EMILIN1: variants seen among roughly 807,000 people sequenced by gnomAD.
EMILIN1 encodes elastin microfibril interfacer 1.
A neutral mutation model predicts 82.4 loss-of-function variants in EMILIN1; 49 were observed. That is an observed-to-expected ratio of 0.59 (90% confidence interval 0.47 to 0.75). The LOEUF is 0.75. Among genes scored for constraint, EMILIN1 ranks in the 30% least tolerant of loss-of-function variants. EMILIN1 has a pLI of 0.00. For missense variants in EMILIN1, 1,313 were observed against 1,366.4 expected, an observed-to-expected ratio of 0.96 and a Z score of 0.62; for synonymous variants, 604 against 602.2, an observed-to-expected ratio of 1.00 and a Z score of -0.04.
At position 27,080,252 on chromosome 2, in the gene EMILIN1, A is replaced by C; in HGVS notation, c.272A>C (p.Gln91Pro). 1 of 1,614,046 alleles carries C rather than the reference A, an allele frequency of 6.2e-7. No homozygotes were observed. The highest frequency in any genetic ancestry group is 8.5e-7 in the Non-Finnish European group (1 of 1,179,920). Reference protein sequence around the residue: ...KYQPCAWGQPQCPQSIMYRRF... With the variant: ...KYQPCAWGQPPCPQSIMYRRF... ...CAGCCTTGTGCCTGGGGCCAGCCCCAGTGTCCCCAAAGCATCATGTGAGTC... is the reference window on the plus strand; with the variant it reads ...CAGCCTTGTGCCTGGGGCCAGCCCCCGTGTCCCCAAAGCATCATGTGAGTC... Residue 91 changes from glutamine (Q) to proline (P), a missense_variant, in exon 2 of 8, where the codon CAG (glutamine) becomes CCG (proline). By Grantham distance (76) the Gln-to-Pro change is moderately conservative. Transcript: ENST00000380320.
intron 2 of EMILIN1, 90 bp from the exon 3 acceptor site, chr2:27,080,642 C>T (rs934532311): frequency 1.2e-5 from 13 of 1,106,516 alleles, no homozygotes; most frequent in Middle Eastern, 4.1e-4. Context: ...ACAGGCCATG[C>T]CCACCAGCAG....
intron 2 of EMILIN1, 67 bp from the exon 3 acceptor site, chr2:27,080,665 G>A: frequency 7.2e-7 from 1 of 1,395,290 alleles, no homozygotes; most frequent in Non-Finnish European, 9.8e-7. Flanking sequence ...GCCCACCCCT[G>A]AGGACAGGGA....
chr2:27,079,265 G>A (rs1344200571), intron 1 of EMILIN1, 30 bp downstream of exon 1: 1 of 1,525,388 alleles, frequency 6.6e-7, no homozygotes, highest in Non-Finnish European at 8.7e-7. Flanking sequence ...CCCGAGGCTT[G>A]GGTGGTGAGG....
Position 27,082,157 on chromosome 2 carries a change from C to A in EMILIN1, c.586C>A (p.Arg196=). 1 of 1,613,724 alleles carries A rather than the reference C, an allele frequency of 6.2e-7. No individual in the cohort carries two copies. ...QSLTKELQGL[R]GVLQGLSGRL... ...CCTGACCAAGGAGCTGCAAGGCCTG[C>A]GGGGCGTCCTGCAAGGACTGAGCGG... Residue 196 remains arginine, a synonymous_variant, in exon 4 of 8, where the codon CGG becomes AGG. Transcript: ENST00000380320.
At position 27,086,321 on chromosome 2, in the gene EMILIN1, G is replaced by T. The variant is rs908558014; in HGVS notation, c.*306G>T. The T allele has an allele frequency of 1.0e-4, 33 of 320,684 alleles. No individual in the cohort carries two copies. Among genetic ancestry groups the T allele is most frequent in the African/African-American group, 6.2e-4 (29 of 46,608 alleles). The allele number at this position is 320,684 out of a possible 1,614,324, so 19.9% of individuals were successfully genotyped here. ...CTGGCCCTCCAGGTCGATTCCCTGG[G>T]CTCCAGGCTCCCCCGCGCGGGCGCC... On this transcript the variant is annotated 3_prime_UTR_variant, in exon 8 of 8. Coordinates refer to ENST00000380320, the MANE Select transcript of EMILIN1 (RefSeq NM_007046.4).
At chr2:27,084,775 G>C (rs1242422409) in intron 5 of EMILIN1, among the ~76,000 whole-genome samples, 1 of 152,234 alleles carries the variant, frequency 6.6e-6, no homozygotes, top group East Asian at 1.9e-4. Context: ...GGAGACTAAA[G>C]CTGAGTCTAT....
chr2:27,080,087 C>A, intron 1 of EMILIN1, 64 bp from the exon 2 acceptor site: 4 of 1,594,998 alleles, frequency 2.5e-6, no homozygotes, highest in Non-Finnish European at 2.6e-6. Flanking sequence ...CTCTGGTAGC[C>A]CCTGGGCCCT....
chr2:27,079,084 T>C lies in EMILIN1; in HGVS notation c.19T>C (p.Trp7Arg), dbSNP rs368771507. The change falls in exon 1 of 8, where the codon TGG (tryptophan) becomes CGG (arginine). Residue 7 changes from tryptophan to arginine, a missense_variant. Coordinates refer to ENST00000380320, the MANE Select transcript of EMILIN1 (RefSeq NM_007046.4). ...CCCCGCCATGGCCCCCCGCACCCTC[T>C]GGAGCTGCTACCTCTGCTGCCTGCT... MAPRTLWSCYLCCLLTA... is the reference protein window; with the variant it reads MAPRTLRSCYLCCLLTA... The C allele has an allele frequency of 6.2e-7, 1 of 1,603,634 alleles. No individual in the cohort carries two copies. The highest frequency in any genetic ancestry group is 8.5e-7 in the Non-Finnish European group (1 of 1,175,902).
chr2:27,084,093 TCTG>T (rs1407614531), intron 4 of EMILIN1, 82 bp downstream of exon 4: 11 of 1,356,242 alleles, frequency 8.1e-6, no homozygotes, highest in Non-Finnish European at 1.1e-5. Context: ...TTCCAACTCA[TCTG>T]CTTTCTCCTT....
chr2:27,085,559 T>C (rs1572849197), intron 7 of EMILIN1, 119 bp from the exon 8 acceptor site: 1 of 1,051,110 alleles, frequency 9.5e-7, no homozygotes, highest in Middle Eastern at 2.8e-4. Flanking sequence ...AGCCCCCAGT[T>C]CCCTGCCGCT....
chr2:27,083,150 G>A lies in EMILIN1; in HGVS notation c.1579G>A (p.Ala527Thr). 6.3e-7 allele frequency: 1 copy of A among 1,598,842 alleles called. No individual in the cohort carries two copies. The highest frequency in any genetic ancestry group is 1.7e-5 in the Admixed American group (1 of 58,936). Residue 527 changes from alanine to threonine, a missense_variant, in exon 4 of 8, where the codon GCC (alanine) becomes ACC (threonine). Physicochemically the swap from Ala to Thr is moderately conservative, Grantham distance 58. Coordinates refer to ENST00000380320, the MANE Select transcript of EMILIN1 (RefSeq NM_007046.4). ...GLHTVEAAGE[A>T]RQATLEGLQE... Reference sequence around the variant, plus strand: ...GCACACGGTGGAAGCAGCGGGGGAGGCCCGGCAGGCCACGCTGGAGGGATT... The same window carrying A: ...GCACACGGTGGAAGCAGCGGGGGAGACCCGGCAGGCCACGCTGGAGGGATT...
chr2:27,082,771 C>T lies in EMILIN1; in HGVS notation c.1200C>T (p.Tyr400=), dbSNP rs1490751078. ...AAGQGGHPPG[Y]TSLASRLSRL... The stretch of plus-strand genomic sequence containing the variant: ...GGCAGGGAGGCCACCCCCCAGGCTA[C>T]ACCAGCTTGGCCTCCCGCCTGTCTC... The change falls in exon 4 of 8, where the codon TAC becomes TAT. Residue 400 remains tyrosine, a synonymous_variant. Coordinates refer to ENST00000380320, the MANE Select transcript of EMILIN1 (RefSeq NM_007046.4). 2 of 1,539,690 alleles carry T rather than the reference C, an allele frequency of 1.3e-6. No homozygotes were observed. Among genetic ancestry groups the T allele is most frequent in the Non-Finnish European group, 8.7e-7 (1 of 1,149,246 alleles).
Position 27,082,804 on chromosome 2 carries a change from G to C in EMILIN1, c.1233G>C (p.Glu411Asp). The C allele has an allele frequency of 6.4e-7, 1 of 1,554,108 alleles. No individual in the cohort carries two copies. The highest frequency in any genetic ancestry group is 8.6e-7 in the Non-Finnish European group (1 of 1,157,610). ...TSLASRLSRLEDRFNSTLGPS... is the reference protein window; with the variant it reads ...TSLASRLSRLDDRFNSTLGPS... ...TGGCCTCCCGCCTGTCTCGCCTGGA[G>C]GACCGCTTCAACTCCACCCTGGGCC... Residue 411 changes from glutamate (E) to aspartate (D), a missense_variant, in exon 4 of 8, where the codon GAG (glutamate) becomes GAC (aspartate). Transcript: ENST00000380320.
In EMILIN1 at chr2:27,080,174, C is replaced by A. The variant is rs560947993; in HGVS notation, c.194C>A (p.Thr65Asn). 140 of 1,614,088 alleles carry A rather than the reference C, an allele frequency of 8.7e-5. 2 individuals are homozygous for A. The South Asian group carries it at 1.5e-3, about 17-fold the overall frequency. ...AGGAACTGGTGTGCCTACGTGGTGACCCGGACAGTGAGCTGTGTCCTTGAG... is the reference window on the plus strand; with the variant it reads ...AGGAACTGGTGTGCCTACGTGGTGAACCGGACAGTGAGCTGTGTCCTTGAG... ...RHRNWCAYVV[T>N]RTVSCVLEDG... Residue 65 changes from threonine to asparagine, a missense_variant, in exon 2 of 8, where the codon ACC (threonine) becomes AAC (asparagine). Coordinates refer to ENST00000380320, the MANE Select transcript of EMILIN1 (RefSeq NM_007046.4).
At chr2:27,084,275 G>T in intron 4 of EMILIN1, 140 bp from the exon 5 acceptor site, 1 of 716,046 alleles carries the variant, frequency 1.4e-6, no homozygotes. Context: ...TATGCAGCAA[G>T]GGACCCCATG....
chr2:27,080,376 C>G (rs1669452263), intron 2 of EMILIN1, 106 bp downstream of exon 2: 1 of 1,461,354 alleles, frequency 6.8e-7, no homozygotes, highest in Non-Finnish European at 9.4e-7. Context: ...AAGGGCAGGA[C>G]AGGGGCTAGG....
Position 27,080,914 on chromosome 2 carries a change from C to A in EMILIN1, c.473C>A (p.Ser158Tyr), listed in dbSNP as rs761142403. ...ARPARPNLSG[S>Y]SAGSPLSGLG... ...CCTGCCCGCCCCAACCTCTCTGGCT[C>A]CAGTGCAGGCAGCCCCCTCAGTGGA... The change falls in exon 3 of 8, where the codon TCC becomes TAC. Residue 158 changes from serine (S) to tyrosine (Y), a missense_variant. Coordinates refer to ENST00000380320, the MANE Select transcript of EMILIN1 (RefSeq NM_007046.4). 1 of 1,604,952 alleles carries A rather than the reference C, an allele frequency of 6.2e-7. No homozygotes were observed. The highest frequency in any genetic ancestry group is 8.5e-7 in the Non-Finnish European group (1 of 1,175,964).
At position 27,079,048 on chromosome 2, in the gene EMILIN1, A is replaced by G; in HGVS notation, c.-18A>G. 1 of 1,531,320 alleles carries G rather than the reference A, an allele frequency of 6.5e-7. No homozygotes were observed. Among genetic ancestry groups the G allele is most frequent in the Non-Finnish European group, 8.7e-7 (1 of 1,144,586 alleles). 94.9% of individuals were successfully genotyped at this position (1,531,320 alleles called of 1,614,324 possible). On this transcript the variant is annotated 5_prime_UTR_variant, in exon 1 of 8. Coordinates refer to ENST00000380320, the MANE Select transcript of EMILIN1 (RefSeq NM_007046.4). Reference sequence around the variant, plus strand: ...TGGGCGGGATGAGTCTCTGAGGGCCACTGTGGAGCGCCCCGCCATGGCCCC... The same window carrying G: ...TGGGCGGGATGAGTCTCTGAGGGCCGCTGTGGAGCGCCCCGCCATGGCCCC...
In EMILIN1 at chr2:27,083,689, C is replaced by T; in HGVS notation, c.2118C>T (p.Arg706=). Residue 706 remains arginine, a synonymous_variant, in exon 4 of 8, where the codon CGC becomes CGT. Transcript: ENST00000380320. Reference sequence around the variant, plus strand: ...AGCATGCTACAGAGAGTGAAGAGCGCTTCCGAGGCCTAGAGGAGGGACAAG... The same window carrying T: ...AGCATGCTACAGAGAGTGAAGAGCGTTTCCGAGGCCTAGAGGAGGGACAAG... The part of the protein sequence containing the change: ...ATEHATESEE[R]FRGLEEGQAQ... 1 of 1,614,010 alleles carries T rather than the reference C, an allele frequency of 6.2e-7. No individual in the cohort carries two copies. The highest frequency in any genetic ancestry group is 8.5e-7 in the Non-Finnish European group (1 of 1,179,876).
Sources: gnomAD v4.1 joint callset for allele counts (sites outside exome capture counted in the v4.1 genomes callset) on GRCh38, gnomAD v4.1.1 for gene constraint, MANE v1.5 for transcripts, NCBI Gene and HGNC (gene_info 2026-07-23, HGNC 2026-07-21) for gene names.